Variants in ALDH9A1 observed in about 807,000 individuals in gnomAD.
ALDH9A1 encodes aldehyde dehydrogenase 9 family member A1, also known as 4-trimethylaminobutyraldehyde dehydrogenase.
Under a neutral mutation model 56.6 loss-of-function variants are expected in ALDH9A1, and 42 were observed. The ratio of observed to expected loss-of-function variants is 0.74; its 90% confidence interval spans 0.58 to 0.96. ALDH9A1 has a LOEUF of 0.96. ALDH9A1 is among the 40% of genes least tolerant of loss of function. The pLI is 0.00. For missense variants in ALDH9A1, 661 were observed against 651.5 expected, an observed-to-expected ratio of 1.01 and a Z score of -0.16; for synonymous variants, 242 against 236.0, an observed-to-expected ratio of 1.03 and a Z score of -0.23.
chr1:165,682,258 A>T lies in ALDH9A1; in HGVS notation c.458-17T>A, dbSNP rs1271079702. On this transcript the variant is annotated splice_polypyrimidine_tract_variant and intron_variant, in intron 3 of 10. Coordinates refer to ENST00000354775, the MANE Select transcript of ALDH9A1 (RefSeq NM_000696.4). ...TGTGTTCACCTATGGGGAAAACAGG[A>T]GTAAAGGAGGATGCAGGTCTGTGCT... is the stretch of plus-strand genomic sequence containing the variant. The T allele has an allele frequency of 1.2e-6, 2 of 1,611,804 alleles. No individual in the cohort carries two copies. Among genetic ancestry groups the T allele is most frequent in the African/African-American group, 2.7e-5 (2 of 74,860 alleles).
intron 6 of ALDH9A1, among the ~76,000 whole-genome samples, chr1:165,674,919 C>A (rs1049651286): frequency 6.6e-6 from 1 of 152,072 alleles, no homozygotes; most frequent in Non-Finnish European, 1.5e-5. Context: ...TCATGCCAGG[C>A]GTGGTGGCTC....
At chr1:165,669,227 T>C (rs1166721735) in intron 7 of ALDH9A1, 35 bp downstream of exon 7, 2 of 1,560,090 alleles carry the variant, frequency 1.3e-6, no homozygotes, top group East Asian at 2.2e-5. Flanking sequence ...AGTATAATCT[T>C]CCCCAACCCC....
chr1:165,679,459 A>C lies in ALDH9A1; in HGVS notation c.913T>G (p.Phe305Val). The change falls in exon 6 of 11, where the codon TTC (phenylalanine) becomes GTC (valine). Residue 305 changes from phenylalanine (F) to valine (V), a missense_variant. Transcript: ENST00000354775. ...NAVKGALMAN[F>V]LTQGQVCCNG... Reference sequence around the variant, plus strand: ...GTACATACCTGGCCTTGTGTGAGGAAGTTGGCCATCAGCGCCCCCTTTACA... The same window carrying C: ...GTACATACCTGGCCTTGTGTGAGGACGTTGGCCATCAGCGCCCCCTTTACA... The C allele has an allele frequency of 6.2e-7, 1 of 1,614,126 alleles. No individual in the cohort carries two copies. The highest frequency in any genetic ancestry group is 8.5e-7 in the Non-Finnish European group (1 of 1,179,990).
intron 8 of ALDH9A1, among the ~76,000 whole-genome samples, chr1:165,667,915 G>A (rs539393946): frequency 6.6e-6 from 1 of 152,188 alleles, no homozygotes; most frequent in South Asian, 2.1e-4. Flanking sequence ...ATTGTTTAAA[G>A]CCTACAAAAC....
chr1:165,682,358 A>G, intron 3 of ALDH9A1, 117 bp from the exon 4 acceptor site: 1 of 1,109,274 alleles, frequency 9.0e-7, no homozygotes, highest in South Asian at 1.6e-5. Flanking sequence ...TTCTCCCAAT[A>G]CACCAGGCTC....
intron 10 of ALDH9A1, among the ~76,000 whole-genome samples, chr1:165,663,674 A>C (rs1648912891): frequency 6.6e-6 from 1 of 152,218 alleles, no homozygotes; most frequent in Non-Finnish European, 1.5e-5. Context: ...CTGTGCTAAA[A>C]GGGTAGTATC....
At chr1:165,666,349 T>A (rs1402569687) in intron 9 of ALDH9A1, among the ~76,000 whole-genome samples, 1 of 152,184 alleles carries the variant, frequency 6.6e-6, no homozygotes, top group African/African-American at 2.4e-5. Context: ...CACAACTCCA[T>A]GAATAAACTA....
chr1:165,676,873 A>T (rs4646898), intron 6 of ALDH9A1: 1 of 247,058 alleles, frequency 4.0e-6, no homozygotes, highest in Non-Finnish European at 7.7e-6. Flanking sequence ...CCCCAAAAAA[A>T]TATTTAAAGC....
intron 6 of ALDH9A1, among the ~76,000 whole-genome samples, chr1:165,674,311 T>G (rs1402081987): frequency 1.3e-4 from 14 of 110,738 alleles, no homozygotes; most frequent in African/African-American, 4.8e-4. Context: ...AAACTTCCTT[T>G]CACTAAAAAA....
At position 165,683,046 on chromosome 1, in the gene ALDH9A1, C is replaced by T. The variant is rs200491291; in HGVS notation, c.392G>A (p.Arg131His). ...CTGCCAGGAAATGTCAATGTCCAAG[C>T]GGGCCTCAAAGATGGACTTGCCATT... ...INNGKSIFEA[R>H]LDIDISWQCL... Residue 131 changes from arginine to histidine, a missense_variant, in exon 3 of 11, where the codon CGC (arginine) becomes CAC (histidine). Coordinates refer to ENST00000354775, the MANE Select transcript of ALDH9A1 (RefSeq NM_000696.4). The T allele has an allele frequency of 1.4e-4, 220 of 1,613,884 alleles. No homozygotes were observed. The highest frequency in any genetic ancestry group is 9.9e-4 in the Middle Eastern group (6 of 6,082).
At chr1:165,694,132 C>G (rs1165514854) in intron 2 of ALDH9A1, among the ~76,000 whole-genome samples, 1 of 150,762 alleles carries the variant, frequency 6.6e-6, no homozygotes, top group African/African-American at 2.4e-5. Flanking sequence ...TTGATGGGTG[C>G]AGCAAACCAA....
At chr1:165,693,908 C>T (rs1649978728) in intron 2 of ALDH9A1, among the ~76,000 whole-genome samples, 1 of 152,088 alleles carries the variant, frequency 6.6e-6, no homozygotes, top group Non-Finnish European at 1.5e-5. Context: ...AGTTCATGTC[C>T]TTTGCAGGGA....
intron 2 of ALDH9A1, among the ~76,000 whole-genome samples, chr1:165,694,036 TGGG>T (rs1649982814): frequency 1.6e-5 from 1 of 63,420 alleles, no homozygotes; most frequent in African/African-American, 6.6e-5. Flanking sequence ...GGACACAGGG[TGGG>T]GAACATCACA....
intron 6 of ALDH9A1, chr1:165,671,405 G>A (rs1649175314): frequency 2.2e-6 from 1 of 459,858 alleles, no homozygotes; most frequent in Non-Finnish European, 4.3e-6. Flanking sequence ...TGGCCAAGAA[G>A]GGCCTGACTC....
intron 6 of ALDH9A1, among the ~76,000 whole-genome samples, chr1:165,678,069 C>T (rs1649426380): frequency 6.6e-6 from 1 of 151,234 alleles, no homozygotes; most frequent in Non-Finnish European, 1.5e-5. Context: ...GGTACAGTGG[C>T]TCACACTTGT....
At chr1:165,670,269 C>CA (rs1558003295) in intron 6 of ALDH9A1, among the ~76,000 whole-genome samples, 1 of 152,000 alleles carries the variant, frequency 6.6e-6, no homozygotes, top group South Asian at 2.1e-4. Context: ...CCCATCTCTA[C>CA]AAAAAACATA....
Position 165,690,963 on chromosome 1 carries a change from A to C in ALDH9A1, c.327+4289T>G, listed in dbSNP as rs1285523257. Among the ~76,000 whole-genome samples the C allele has an allele frequency of 2.6e-5, 4 of 152,326 alleles. No individual in the cohort carries two copies. The East Asian group carries it at 7.7e-4, about 29-fold the overall frequency. ...CATAGCTGAACAAAAGGCAGCGGAA[A>C]CTTCTGCAGACTTAAACGTCCCTGT... On this transcript the variant is annotated intron_variant, in intron 2 of 10. Coordinates refer to ENST00000354775, the MANE Select transcript of ALDH9A1 (RefSeq NM_000696.4).
At chr1:165,694,965 A>AT (rs201248618) in intron 2 of ALDH9A1, among the ~76,000 whole-genome samples, 4,176 of 151,808 alleles carry the variant, frequency 0.028, 182 homozygotes, top group African/African-American at 0.096. Context: ...CAAAAAAAAA[A>AT]AAAAATAAAA....
chr1:165,675,063 C>T (rs1391007870), intron 6 of ALDH9A1, among the ~76,000 whole-genome samples: 1 of 152,074 alleles, frequency 6.6e-6, no homozygotes. Flanking sequence ...GGTGTGGTAG[C>T]GCATGCCTCT....
Sources: allele counts gnomAD v4.1 joint callset (sites outside exome capture counted in the v4.1 genomes callset), GRCh38; gene constraint gnomAD v4.1.1; transcripts MANE v1.5; gene names NCBI Gene and HGNC (gene_info 2026-07-23, HGNC 2026-07-21).